The following SNTG1 variants were observed in gnomAD, a reference collection of about 807,000 sequenced individuals.
The protein encoded by SNTG1 is syntrophin gamma 1.
SNTG1 carries 39 observed loss-of-function variants against 74.7 expected under a neutral mutation model. That is an observed-to-expected ratio of 0.52 (90% CI 0.40 to 0.68). The LOEUF is 0.68. Ranked by LOEUF, SNTG1 falls within the 30% of genes least tolerant of loss-of-function variation. The pLI is 0.00. For synonymous variants in SNTG1, 254 were observed against 217.1 expected (o/e 1.17, Z -1.49); for missense variants, 685 against 609.5 (o/e 1.12, Z -1.30).
intron 12 of SNTG1, among the ~76,000 whole-genome samples, chr8:50,567,673 C>T (rs1157721041): frequency 6.6e-6 from 1 of 151,940 alleles, no homozygotes; most frequent in Non-Finnish European, 1.5e-5. Flanking sequence ...ATAATATGTA[C>T]AAGAACCAAT....
intron 2 of SNTG1, among the ~76,000 whole-genome samples, chr8:50,184,636 A>C (rs987764848): frequency 6.6e-6 from 1 of 152,102 alleles, no homozygotes; most frequent in African/African-American, 2.4e-5. Context: ...ATAGGTCTTA[A>C]CTCAGCATTC....
rs1454166776 is a variant in SNTG1 at position 50,595,018 on chromosome 8, AGATGTGT to A, written c.849+4103_849+4109del. Among the ~76,000 whole-genome samples the A allele has an allele frequency of 7.3e-5, 7 of 95,480 alleles. No homozygotes were observed. In the South Asian group the frequency reaches 1.4e-3, roughly 19 times the overall value. The allele number at this position is 95,480 out of a possible 152,430, so 62.6% of individuals were successfully genotyped here. ...ATTCATGAAATTTTAGCTTTATTGA[AGATGTGT>A]GTGTGTGTGTGTGTGTGTGTGTGTG... On this transcript the variant is annotated intron_variant, in intron 13 of 18. Coordinates refer to ENST00000642720, the MANE Select transcript of SNTG1 (RefSeq NM_018967.5).
intron 1 of SNTG1, among the ~76,000 whole-genome samples, chr8:50,081,090 A>C (rs891702513): frequency 1.3e-5 from 2 of 152,140 alleles, no homozygotes; most frequent in Non-Finnish European, 2.9e-5. Flanking sequence ...CATTTATAGA[A>C]TCTTTCATGT....
At chr8:50,698,718 G>A (rs528032077) in intron 15 of SNTG1, among the ~76,000 whole-genome samples, 3 of 152,260 alleles carry the variant, frequency 2.0e-5, no homozygotes, top group Admixed American at 2.0e-4. Flanking sequence ...TAGGTTCCAA[G>A]GTCTCGGGAA....
chr8:50,147,590 C>T (rs2081916194), intron 1 of SNTG1, among the ~76,000 whole-genome samples: 1 of 152,110 alleles, frequency 6.6e-6, no homozygotes, highest in Non-Finnish European at 1.5e-5. Context: ...TTGCAGATGC[C>T]ACCTTGACCA....
chr8:50,536,604 T>C, intron 10 of SNTG1, 74 bp from the exon 11 acceptor site: 2 of 1,537,812 alleles, frequency 1.3e-6, no homozygotes, highest in Non-Finnish European at 1.8e-6. Context: ...ATCCCCCAGA[T>C]AAAAGGGGTT....
At chr8:50,399,257 C>G (rs182310467) in intron 3 of SNTG1, among the ~76,000 whole-genome samples, 3 of 151,854 alleles carry the variant, frequency 2.0e-5, no homozygotes, top group Non-Finnish European at 4.4e-5. Context: ...AAAAAAAATC[C>G]TTCTCATTCT....
intron 1 of SNTG1, among the ~76,000 whole-genome samples, chr8:50,050,165 C>T (rs1219884690): frequency 6.6e-6 from 1 of 151,422 alleles, no homozygotes; most frequent in African/African-American, 2.4e-5. Context: ...CAAAGGCTGG[C>T]TCTTTGAAAA....
At chr8:50,555,262 C>T (rs576169627) in intron 12 of SNTG1, among the ~76,000 whole-genome samples, 5 of 152,112 alleles carry the variant, frequency 3.3e-5, no homozygotes, top group Non-Finnish European at 7.4e-5. Flanking sequence ...CTTCTTTCAC[C>T]TCCTGTTTCT....
At chr8:50,463,343 T>C (rs1198325922) in intron 8 of SNTG1, among the ~76,000 whole-genome samples, 1 of 152,150 alleles carries the variant, frequency 6.6e-6, no homozygotes, top group African/African-American at 2.4e-5. Context: ...TTGGCCCAGA[T>C]CCCTCGTAGG....
chr8:50,263,515 T>A (rs1056919363), intron 2 of SNTG1, among the ~76,000 whole-genome samples: 1 of 152,060 alleles, frequency 6.6e-6, no homozygotes, highest in East Asian at 1.9e-4. Context: ...GAAACTAAAA[T>A]GACAGAAAAA....
At chr8:50,574,992 G>A (rs949404725) in intron 12 of SNTG1, among the ~76,000 whole-genome samples, 5 of 152,236 alleles carry the variant, frequency 3.3e-5, no homozygotes, top group Non-Finnish European at 5.9e-5. Flanking sequence ...TTGATCATAT[G>A]CAAAAGTGGC....
intron 2 of SNTG1, among the ~76,000 whole-genome samples, chr8:50,376,897 A>G (rs1360941666): frequency 6.6e-5 from 10 of 151,600 alleles, no homozygotes; most frequent in South Asian, 4.2e-4. Flanking sequence ...TGCTCTTTAC[A>G]TGCTGCATTT....
chr8:50,588,603 A>T (rs2094670018), intron 12 of SNTG1, among the ~76,000 whole-genome samples: 1 of 152,208 alleles, frequency 6.6e-6, no homozygotes, highest in Non-Finnish European at 1.5e-5. Flanking sequence ...TTGCCAAATA[A>T]ATCTATTAAT....
At chr8:50,311,615 T>G (rs2090117183) in intron 2 of SNTG1, among the ~76,000 whole-genome samples, 1 of 152,232 alleles carries the variant, frequency 6.6e-6, no homozygotes, top group African/African-American at 2.4e-5. Flanking sequence ...CTATGTACCT[T>G]GAAATTCTGA....
chr8:50,690,939 G>A (rs1237387421), intron 15 of SNTG1, among the ~76,000 whole-genome samples: 1 of 152,092 alleles, frequency 6.6e-6, no homozygotes, highest in African/African-American at 2.4e-5. Flanking sequence ...CTCCTGTATT[G>A]GGTGCATATA....
At chr8:49,969,670 T>G (rs565755584) in intron 1 of SNTG1, among the ~76,000 whole-genome samples, 76 of 152,210 alleles carry the variant, frequency 5.0e-4, no homozygotes, top group African/African-American at 1.7e-3. Flanking sequence ...GTGCTCAGAT[T>G]ACAGGAGTGA....
chr8:50,430,294 T>C (rs1317161699), intron 4 of SNTG1, among the ~76,000 whole-genome samples: 1 of 152,186 alleles, frequency 6.6e-6, no homozygotes, highest in Non-Finnish European at 1.5e-5. Flanking sequence ...TATATTCACA[T>C]ATCTATAAAT....
intron 1 of SNTG1, among the ~76,000 whole-genome samples, chr8:49,921,368 G>A (rs1432672299): frequency 1.3e-5 from 2 of 152,004 alleles, no homozygotes; most frequent in Admixed American, 6.6e-5. Context: ...CTTTGGGTTT[G>A]CTCAAAAGCA....
Sources: allele counts gnomAD v4.1 joint callset (sites outside exome capture counted in the v4.1 genomes callset), GRCh38; gene constraint gnomAD v4.1.1; transcripts MANE v1.5; gene names NCBI Gene and HGNC (gene_info 2026-07-23, HGNC 2026-07-21).